LCORL: variants seen among roughly 807,000 people sequenced by gnomAD.
LCORL encodes ligand-dependent nuclear receptor corepressor-like protein.
LCORL carries 41 observed loss-of-function variants against 141.8 expected under a neutral mutation model. The observed-to-expected ratio is 0.29, with a 90% confidence interval of 0.23 to 0.38. LCORL has a LOEUF of 0.38. Among genes scored for constraint, LCORL ranks in the 10% least tolerant of loss-of-function variants. LCORL has a pLI of 1.00. For missense variants in LCORL, 1,759 were observed against 2,035.0 expected, an observed-to-expected ratio of 0.86 and a Z score of 2.61; for synonymous variants, 618 against 694.1, an observed-to-expected ratio of 0.89 and a Z score of 1.72.
chr4:17,888,596 G>A (rs192634723), intron 5 of LCORL, among the ~76,000 whole-genome samples: 21 of 152,190 alleles, frequency 1.4e-4, no homozygotes, highest in East Asian at 1.2e-3. Flanking sequence ...GTCTTCCTGC[G>A]TGGACAGCAT....
At chr4:17,894,456 TAAATA>T (rs944738910) in intron 5 of LCORL, among the ~76,000 whole-genome samples, 3 of 152,180 alleles carry the variant, frequency 2.0e-5, no homozygotes, top group African/African-American at 7.2e-5. Context: ...TAACAGAAAT[TAAATA>T]AAAGGATTTT....
intron 4 of LCORL, among the ~76,000 whole-genome samples, chr4:17,958,707 T>C (rs1034985920): frequency 2.0e-4 from 30 of 152,088 alleles, no homozygotes; most frequent in African/African-American, 6.7e-4. Context: ...GTACTAATAC[T>C]ACCGAATATT....
rs1373476058 is a variant in LCORL, at chr4:18,021,548, G to C, written c.154+50C>G. On this transcript the variant is annotated intron_variant, in intron 1 of 7. Transcript: ENST00000635767. The surrounding 1 kb of genome is among the most constrained non-coding windows in gnomAD (Gnocchi z 5.5). Reference sequence around the variant, plus strand: ...CTCAGCCACAAACTCCTCGGGCTGCGACAGCGGTCGCCGCGCGGAGCCCGG... The same window carrying C: ...CTCAGCCACAAACTCCTCGGGCTGCCACAGCGGTCGCCGCGCGGAGCCCGG... The C allele has an allele frequency of 3.5e-5, 52 of 1,480,310 alleles. No individual in the cohort carries two copies. Among genetic ancestry groups the C allele is most frequent in the Non-Finnish European group, 4.6e-5 (51 of 1,106,288 alleles). 91.7% of individuals were successfully genotyped at this position (1,480,310 alleles called of 1,614,324 possible). A position where few individuals can be genotyped will look rare whatever the true frequency, so the allele number is the denominator to read the frequency against.
intron 7 of LCORL, among the ~76,000 whole-genome samples, chr4:17,866,504 G>C (rs945453655): frequency 2.0e-5 from 3 of 152,122 alleles, no homozygotes; most frequent in African/African-American, 7.2e-5. Context: ...AGAGTTTATA[G>C]GTACAGGCTT....
At chr4:17,895,335 A>G (rs1483327479) in intron 5 of LCORL, among the ~76,000 whole-genome samples, 2 of 151,988 alleles carry the variant, frequency 1.3e-5, no homozygotes, top group Non-Finnish European at 2.9e-5. Flanking sequence ...GCCTCTGGTA[A>G]TCACTATTCT....
At position 17,842,369 on chromosome 4, in the gene LCORL, G is replaced by A. The variant is rs755265916; in HGVS notation, c.*3519C>T. The A allele has an allele frequency of 3.4e-5, 55 of 1,611,548 alleles. No individual in the cohort carries two copies. The highest frequency in any genetic ancestry group is 1.6e-4 in the Middle Eastern group (1 of 6,076). On this transcript the variant is annotated 3_prime_UTR_variant, in exon 8 of 8. Transcript: ENST00000635767. ...CAGGAGGTGTCAGACTGCTGAAGCC[G>A]ACTCTGAAAGGTATGTCATGCATGT...
chr4:17,980,252 TC>T (rs1373936356), intron 1 of LCORL, among the ~76,000 whole-genome samples: 1 of 152,212 alleles, frequency 6.6e-6, no homozygotes, highest in African/African-American at 2.4e-5. Flanking sequence ...AGGGTACAGA[TC>T]TACTAGAGGG....
chr4:17,884,914 G>A lies in LCORL; in HGVS notation c.776+1154C>T, dbSNP rs1207223511. ...GATGTAGTAGTTACTCCTTATCAAAGCAAACGCTACAGTCCTGGTAGGACA... is the reference window on the plus strand; with the variant it reads ...GATGTAGTAGTTACTCCTTATCAAAACAAACGCTACAGTCCTGGTAGGACA... On this transcript the variant is annotated intron_variant, in intron 6 of 7. Coordinates refer to ENST00000635767, the Ensembl canonical transcript of LCORL. The surrounding 1 kb of genome is among the most constrained non-coding windows in gnomAD (Gnocchi z 4.4). 1.3e-5 allele frequency among the ~76,000 whole-genome samples: 2 copies of A among 151,920 alleles called. No individual in the cohort carries two copies. The highest frequency in any genetic ancestry group is 4.8e-5 in the African/African-American group (2 of 41,378).
At chr4:17,894,014 G>T (rs926219679) in intron 5 of LCORL, among the ~76,000 whole-genome samples, 2 of 152,050 alleles carry the variant, frequency 1.3e-5, no homozygotes, top group Non-Finnish European at 2.9e-5. Context: ...GGCCAGGCTG[G>T]TCTTGAACGC....
In LCORL at chr4:17,934,497, A is replaced by G. The variant is rs192430533; in HGVS notation, c.431-25152T>C. 5.7e-3 allele frequency among the ~76,000 whole-genome samples: 868 copies of G among 152,234 alleles called. 14 individuals are homozygous for G. Among genetic ancestry groups the G allele is most frequent in the African/African-American group, 0.02 (828 of 41,576 alleles). On this transcript the variant is annotated intron_variant, in intron 4 of 7. Coordinates refer to ENST00000635767, the Ensembl canonical transcript of LCORL. Reference sequence around the variant, plus strand: ...GATGGCACCAGAGATCTTTTAGAATAAGGAATCACTAGATGCACTGTATAA... The same window carrying G: ...GATGGCACCAGAGATCTTTTAGAATGAGGAATCACTAGATGCACTGTATAA...
intron 4 of LCORL, among the ~76,000 whole-genome samples, chr4:17,915,872 T>A (rs1270119287): frequency 7.2e-5 from 11 of 152,202 alleles, no homozygotes; most frequent in Admixed American, 7.2e-4. Context: ...TTGTCCCCTC[T>A]AAATCTCATG....
chr4:17,963,164 T>C (rs1714187392), intron 2 of LCORL, 115 bp from the exon 3 acceptor site: 2 of 488,972 alleles, frequency 4.1e-6, no homozygotes, highest in African/African-American at 2.0e-5. Context: ...CTAACAGTAA[T>C]GGGAGAAGAA....
chr4:17,938,445 T>G (rs1234103400), intron 4 of LCORL, among the ~76,000 whole-genome samples: 3 of 149,602 alleles, frequency 2.0e-5, no homozygotes, highest in Admixed American at 2.0e-4. Flanking sequence ...AGATGGAGTT[T>G]CGCTCTTGTT....
chr4:17,951,870 G>A (rs745649723), intron 4 of LCORL, among the ~76,000 whole-genome samples: 1 of 152,126 alleles, frequency 6.6e-6, no homozygotes, highest in Non-Finnish European at 1.5e-5. Flanking sequence ...AGACCAACAC[G>A]CTAGTTGTGC....
intron 7 of LCORL, among the ~76,000 whole-genome samples, chr4:17,850,888 G>T (rs1432479707): frequency 6.7e-6 from 1 of 149,328 alleles, no homozygotes; most frequent in African/African-American, 2.5e-5. Context: ...CAAATGTCCA[G>T]CAATGATAGA....
rs570593549 is a variant in LCORL, at chr4:17,873,335, T to C, written c.5602+53A>G. 3.6e-6 allele frequency: 4 copies of C among 1,108,736 alleles called. No homozygotes were observed. In the East Asian group the frequency reaches 1.3e-4, roughly 36 times the overall value. The allele number at this position is 1,108,736 out of a possible 1,614,324, so 68.7% of individuals were successfully genotyped here. On this transcript the variant is annotated intron_variant, in intron 7 of 7. Coordinates refer to ENST00000635767, the Ensembl canonical transcript of LCORL. ...GCTGTTCCTTTTCTACCTGTTATAC[T>C]TTACTCAAGGCACCTACAATGAAAC...
chr4:17,944,770 C>T (rs1406751759), intron 4 of LCORL, among the ~76,000 whole-genome samples: 1 of 152,160 alleles, frequency 6.6e-6, no homozygotes, highest in Admixed American at 6.6e-5. Flanking sequence ...CCTATACGCA[C>T]ATACTATTTT....
exon 7 of LCORL, chr4:17,876,994 C>T: frequency 1.6e-6 from 2 of 1,230,612 alleles, no homozygotes; most frequent in Non-Finnish European, 1.0e-6. Flanking sequence ...TAGAATTCTC[C>T]TTTGTCTGAT....
At chr4:17,922,312 A>C (rs1057459903) in intron 4 of LCORL, among the ~76,000 whole-genome samples, 16 of 152,266 alleles carry the variant, frequency 1.1e-4, no homozygotes, top group African/African-American at 3.9e-4. Flanking sequence ...TCTACTTCTA[A>C]AAGTATGGAG....
Sources: allele counts gnomAD v4.1 joint callset (sites outside exome capture counted in the v4.1 genomes callset), GRCh38; gene constraint gnomAD v4.1.1; non-coding constraint Gnocchi (gnomAD v3.1); transcripts MANE v1.5; gene names NCBI Gene and HGNC (gene_info 2026-07-23, HGNC 2026-07-21).